The following PEX5 variants were observed in gnomAD, a reference collection of about 807,000 sequenced individuals.
The protein encoded by PEX5 is peroxisomal biogenesis factor 5, also known as PTS1 receptor.
PEX5 carries 52 observed loss-of-function variants against 82.9 expected under a neutral mutation model. That is an observed-to-expected ratio of 0.63 (90% CI 0.50 to 0.79). PEX5 has a LOEUF of 0.79. Among genes scored for constraint, PEX5 ranks in the 30% least tolerant of loss-of-function variants. The pLI is 0.00. For synonymous variants in PEX5, 300 were observed against 318.8 expected, an observed-to-expected ratio of 0.94 and a Z score of 0.63; for missense variants, 719 against 815.2, an observed-to-expected ratio of 0.88 and a Z score of 1.44.
chr12:7,208,861 C>T, intron 13 of PEX5, 144 bp from the exon 14 acceptor site: 1 of 906,844 alleles, frequency 1.1e-6, no homozygotes, highest in Non-Finnish European at 1.8e-6. Context: ...AAACAGGCTT[C>T]TATATTGGAC....
At position 7,210,705 on chromosome 12, in the gene PEX5, G is replaced by A. The variant is rs1202204109; in HGVS notation, c.*482G>A. The A allele has an allele frequency of 4.0e-6, 1 of 252,708 alleles. No homozygotes were observed. The highest frequency in any genetic ancestry group is 1.0e-4 in the East Asian group (1 of 10,050). The allele number at this position is 252,708 out of a possible 1,614,324, so 15.7% of individuals were successfully genotyped here. A position where few individuals can be genotyped will look rare whatever the true frequency, so the allele number is the denominator to read the frequency against. ...GATGGGATGTGTTAGGAGTTGGCCT[G>A]TTGGGTTGAATTGTTGATTTGGCTG... On this transcript the variant is annotated 3_prime_UTR_variant, in exon 16 of 16. Transcript: ENST00000675855.
chr12:7,209,306 G>T, intron 14 of PEX5, 136 bp downstream of exon 14: 3 of 880,332 alleles, frequency 3.4e-6, no homozygotes, highest in Non-Finnish European at 5.5e-6. Context: ...GATCACTTGA[G>T]CCTGGGAGTT....
At chr12:7,201,567 G>A (rs918636769) in intron 6 of PEX5, among the ~76,000 whole-genome samples, 184 bp from the exon 7 acceptor site, 2 of 152,200 alleles carry the variant, frequency 1.3e-5, no homozygotes, top group Non-Finnish European at 2.9e-5. Context: ...CTAGAAGGAT[G>A]TAGCTAGTAC....
intron 5 of PEX5, among the ~76,000 whole-genome samples, chr12:7,192,938 TCTAAAAA>T (rs1480457168): frequency 6.6e-6 from 1 of 152,176 alleles, no homozygotes. Flanking sequence ...AAATCCCAAA[TCTAAAAA>T]CTAAAACTCA....
intron 5 of PEX5, among the ~76,000 whole-genome samples, chr12:7,193,844 T>C (rs755378337): frequency 6.6e-6 from 1 of 152,240 alleles, no homozygotes; most frequent in Non-Finnish European, 1.5e-5. Flanking sequence ...ACCAGTTAAA[T>C]GCTCTTAGTA....
chr12:7,218,489 C>A (rs1304128623), exon 18 of PEX5: 1 of 152,138 alleles, frequency 6.6e-6, no homozygotes, highest in Non-Finnish European at 1.5e-5. Context: ...TCTCTACCTA[C>A]CATCTTGGAC....
At chr12:7,205,537 T>C (rs1944660357) in intron 10 of PEX5, among the ~76,000 whole-genome samples, 2 of 152,218 alleles carry the variant, frequency 1.3e-5, no homozygotes, top group Admixed American at 6.5e-5. Flanking sequence ...TAGTGATCAT[T>C]TCTGCAGTTT....
chr12:7,194,652 G>C (rs1414449450), intron 5 of PEX5, among the ~76,000 whole-genome samples: 1 of 152,174 alleles, frequency 6.6e-6, no homozygotes, highest in Non-Finnish European at 1.5e-5. Flanking sequence ...TCCATCTTGT[G>C]TTTGCTCAGA....
chr12:7,208,915 G>T, intron 13 of PEX5, 90 bp from the exon 14 acceptor site: 1 of 1,153,578 alleles, frequency 8.7e-7, no homozygotes, highest in Non-Finnish European at 1.3e-6. Context: ...GAATGTTGGG[G>T]ATATGGTTGA....
At chr12:7,201,242 A>C (rs7315553) in intron 6 of PEX5, among the ~76,000 whole-genome samples, 66,683 of 150,926 alleles carry the variant, frequency 0.44, 15,926 homozygotes, top group Admixed American at 0.61. Context: ...TACATATGTA[A>C]ACATGTAGAT....
Position 7,209,099 on chromosome 12 carries a change from CT to C in PEX5, c.1493del (p.Phe498SerfsTer3). On this transcript the variant is annotated frameshift_variant, in exon 14 of 16. Coordinates refer to ENST00000675855, the MANE Select transcript of PEX5 (RefSeq NM_001351132.2). LOFTEE classifies it high-confidence loss of function. The part of the protein sequence containing the change: ...DPDVQCGLGV[L>X]FNLSGEYDKA... Reference sequence around the variant, plus strand: ...TGATGTGCAGTGTGGCTTGGGAGTCCTTTTCAACCTGAGTGGGGAGTATGAC... The same window carrying C: ...TGATGTGCAGTGTGGCTTGGGAGTCCTTTCAACCTGAGTGGGGAGTATGAC... The C allele has an allele frequency of 6.2e-7, 1 of 1,614,080 alleles. No homozygotes were observed. The highest frequency in any genetic ancestry group is 8.5e-7 in the Non-Finnish European group (1 of 1,179,996).
downstream of PEX5, among the ~76,000 whole-genome samples, chr12:7,212,464 G>GAAAAAAAAAA (rs5796271): frequency 1.0e-5 from 1 of 96,284 alleles, no homozygotes; most frequent in Non-Finnish European, 1.9e-5. Context: ...AAAGCTGCCA[G>GAAAAAAAAAA]AAAAAAAAAA....
At chr12:7,208,432 A>G (rs373952315) in intron 12 of PEX5, 25 bp from the exon 13 acceptor site, 40 of 1,559,280 alleles carry the variant, frequency 2.6e-5, no homozygotes, top group Middle Eastern at 1.7e-4. Context: ...GCAGATATCA[A>G]GTCTGCCCAT....
chr12:7,202,230 C>T lies in PEX5; in HGVS notation c.643-11C>T. ...TTTCCCAAGTGGCCTGTGTGTGTCT[C>T]TGTGCCCCAGTTCCTGAAATTCGTG... On this transcript the variant is annotated splice_polypyrimidine_tract_variant and intron_variant, in intron 7 of 15. Coordinates refer to ENST00000675855, the MANE Select transcript of PEX5 (RefSeq NM_001351132.2). 2 of 1,614,042 alleles carry T rather than the reference C, an allele frequency of 1.2e-6. No homozygotes were observed. The highest frequency in any genetic ancestry group is 1.7e-6 in the Non-Finnish European group (2 of 1,180,028).
chr12:7,214,569 G>A (rs1442136785), downstream of PEX5, among the ~76,000 whole-genome samples: 2 of 106,852 alleles, frequency 1.9e-5, no homozygotes, highest in African/African-American at 7.3e-5. Flanking sequence ...ACTGTTGTGG[G>A]GTGGGGGGAG....
Position 7,208,504 on chromosome 12 carries a change from C to T in PEX5, c.1229C>T (p.Ala410Val), listed in dbSNP as rs1181581366. 6.2e-7 allele frequency: 1 copy of T among 1,614,154 alleles called. No individual in the cohort carries two copies. Among genetic ancestry groups the T allele is most frequent in the Non-Finnish European group, 8.5e-7 (1 of 1,179,996 alleles). Residue 410 changes from alanine to valine, a missense_variant, in exon 13 of 16, where the codon GCT (alanine) becomes GTT (valine). Coordinates refer to ENST00000675855, the MANE Select transcript of PEX5 (RefSeq NM_001351132.2). ...AACCAGACAGCACTGATGGCGCTGGCTGTGAGCTTCACCAACGAGTCCCTG... is the reference window on the plus strand; with the variant it reads ...AACCAGACAGCACTGATGGCGCTGGTTGTGAGCTTCACCAACGAGTCCCTG... Reference protein sequence around the residue: ...PDNQTALMALAVSFTNESLQR... With the variant: ...PDNQTALMALVVSFTNESLQR...
Position 7,209,145 on chromosome 12 carries a change from C to A in PEX5, c.1535C>A (p.Thr512Lys). 2.5e-6 allele frequency: 4 copies of A among 1,614,016 alleles called. No individual in the cohort carries two copies. The highest frequency in any genetic ancestry group is 3.4e-6 in the Non-Finnish European group (4 of 1,180,008). The change falls in exon 14 of 16, where the codon ACA (threonine) becomes AAA (lysine). Residue 512 changes from threonine to lysine, a missense_variant. Thr to Lys is a moderately conservative substitution (Grantham distance 78). Coordinates refer to ENST00000675855, the MANE Select transcript of PEX5 (RefSeq NM_001351132.2). ...GEYDKAVDCFTAALSVRPNDY... is the reference protein window; with the variant it reads ...GEYDKAVDCFKAALSVRPNDY... ...TATGACAAGGCCGTGGACTGCTTCA[C>A]AGCTGCCCTCAGCGTTCGTCCCAAT... is the stretch of plus-strand genomic sequence containing the variant.
chr12:7,191,176 C>T, intron 3 of PEX5, 50 bp from the exon 4 acceptor site: 1 of 1,612,466 alleles, frequency 6.2e-7, no homozygotes, highest in Non-Finnish European at 8.5e-7. Flanking sequence ...CTGCCTCTTG[C>T]TGGGGCCTCC....
intron 5 of PEX5, among the ~76,000 whole-genome samples, chr12:7,195,839 A>G (rs1205551132): frequency 1.3e-5 from 2 of 151,066 alleles, no homozygotes; most frequent in African/African-American, 4.8e-5. Flanking sequence ...AGTCTCTTTG[A>G]GTATTAAGCA....
Sources: allele counts gnomAD v4.1 joint callset (sites outside exome capture counted in the v4.1 genomes callset), GRCh38; gene constraint gnomAD v4.1.1; transcripts MANE v1.5; gene names NCBI Gene and HGNC (gene_info 2026-07-23, HGNC 2026-07-21).